Variants in RALGAPA2 observed in about 807,000 individuals in gnomAD.
RALGAPA2 encodes ral GTPase-activating protein subunit alpha-2.
In RALGAPA2, 139 loss-of-function variants were observed where a neutral mutation model predicts 230.4. The observed-to-expected ratio is 0.60, with a 90% confidence interval of 0.53 to 0.69. The LOEUF (loss-of-function observed/expected upper bound fraction) is 0.69, where lower values mean the gene tolerates loss of function less well. Ranked by LOEUF, RALGAPA2 falls within the 30% of genes least tolerant of loss-of-function variation. The probability of loss-of-function intolerance (pLI) is 0.00; values close to 1 mark genes in which losing one functional copy is unlikely to be tolerated. For missense variants in RALGAPA2, 2,163 were observed against 2,276.0 expected, an observed-to-expected ratio of 0.95 and a Z score of 1.01; for synonymous variants, 847 against 837.8, an observed-to-expected ratio of 1.01 and a Z score of -0.19.
intron 7 of RALGAPA2, 61 bp downstream of exon 7, chr20:20,639,724 A>AT (rs1269091386): frequency 4.3e-6 from 5 of 1,164,348 alleles, no homozygotes; most frequent in Non-Finnish European, 6.4e-6. Context: ...AAAAGAGGCA[A>AT]TATTTCCTCT....
chr20:20,433,893 A>G (rs1048203403), intron 37 of RALGAPA2, among the ~76,000 whole-genome samples: 4 of 152,260 alleles, frequency 2.6e-5, no homozygotes, highest in Admixed American at 6.5e-5. Context: ...AAAGTAGATC[A>G]AATAACAAAA....
intron 25 of RALGAPA2, 130 bp from the exon 26 acceptor site, chr20:20,535,933 T>C (rs1158805314): frequency 7.4e-7 from 1 of 1,358,728 alleles, no homozygotes; most frequent in African/African-American, 1.5e-5. Context: ...CATCTATGAG[T>C]GAGAGCCTGG....
intron 28 of RALGAPA2, among the ~76,000 whole-genome samples, chr20:20,525,946 G>T (rs921335221): frequency 1.3e-5 from 2 of 152,108 alleles, no homozygotes; most frequent in Non-Finnish European, 2.9e-5. Flanking sequence ...CCTACTCCTT[G>T]TTGGCACCAT....
intron 1 of RALGAPA2, among the ~76,000 whole-genome samples, chr20:20,690,773 C>A (rs2146911583): frequency 6.6e-6 from 1 of 152,236 alleles, no homozygotes; most frequent in East Asian, 1.9e-4. Flanking sequence ...CCTTGCTCCC[C>A]ACTGCAATCT....
intron 10 of RALGAPA2, among the ~76,000 whole-genome samples, chr20:20,624,630 T>C (rs1425709730): frequency 6.6e-6 from 1 of 152,144 alleles, no homozygotes; most frequent in Non-Finnish European, 1.5e-5. Context: ...AGAAAATACA[T>C]GGCTGCTAAT....
intron 23 of RALGAPA2, among the ~76,000 whole-genome samples, chr20:20,557,608 A>T (rs540925896): frequency 6.6e-6 from 1 of 152,354 alleles, no homozygotes; most frequent in South Asian, 2.1e-4. Flanking sequence ...GACACTGCCA[A>T]TGATGCCAAG....
intron 2 of RALGAPA2, among the ~76,000 whole-genome samples, chr20:20,678,243 AG>A: frequency 6.6e-6 from 1 of 152,178 alleles, no homozygotes; most frequent in Non-Finnish European, 1.5e-5. Context: ...TTCTTTTTTA[AG>A]GTACAGTGTC....
intron 21 of RALGAPA2, 96 bp downstream of exon 21, chr20:20,572,779 G>A (rs981088311): frequency 1.6e-4 from 169 of 1,034,656 alleles, no homozygotes; most frequent in African/African-American, 4.3e-4. Context: ...TTTGTGTTTC[G>A]GAATATGTTC....
intron 37 of RALGAPA2, among the ~76,000 whole-genome samples, chr20:20,458,765 T>C (rs1472012765): frequency 7.1e-6 from 1 of 140,682 alleles, no homozygotes; most frequent in African/African-American, 2.6e-5. Context: ...CACCTATATA[T>C]ATATAGACCT....
At chr20:20,700,735 T>C (rs943242248) in intron 1 of RALGAPA2, among the ~76,000 whole-genome samples, 1 of 152,236 alleles carries the variant, frequency 6.6e-6, no homozygotes, top group East Asian at 1.9e-4. Context: ...TCCTTTCTTA[T>C]ATCTATTCCC....
intron 38 of RALGAPA2, among the ~76,000 whole-genome samples, chr20:20,408,917 G>A (rs1425939717): frequency 6.6e-6 from 1 of 152,202 alleles, no homozygotes; most frequent in Non-Finnish European, 1.5e-5. Context: ...CATGTCAGGT[G>A]TTATCAATAC....
chr20:20,510,759 G>C (rs2062681366), intron 33 of RALGAPA2, among the ~76,000 whole-genome samples: 1 of 152,194 alleles, frequency 6.6e-6, no homozygotes, highest in African/African-American at 2.4e-5. Flanking sequence ...CAGCTTTGGA[G>C]AATGAGCCTT....
Position 20,591,177 on chromosome 20 carries a change from C to T in RALGAPA2, c.2341G>A (p.Gly781Ser). ...PEPLCSDSSQ[G>S]QKAENTQNSS... ...ATTAAACACTGAAGACATCATGTAC[C>T]CTGAGAAGAATCTGAGCACAGCGGC... is the stretch of plus-strand genomic sequence containing the variant. The change falls in exon 17 of 40, where the codon GGT (glycine) becomes AGT (serine). Residue 781 changes from glycine (G) to serine (S), a missense_variant and splice_region_variant. Gly to Ser is a moderately conservative substitution (Grantham distance 56, BLOSUM62 0). Transcript: ENST00000202677. The T allele has an allele frequency of 6.2e-7, 1 of 1,613,498 alleles. No individual in the cohort carries two copies. The highest frequency in any genetic ancestry group is 8.5e-7 in the Non-Finnish European group (1 of 1,179,670).
chr20:20,583,203 T>C lies in RALGAPA2; in HGVS notation c.2554A>G (p.Thr852Ala), dbSNP rs1568608890. Reference sequence around the variant, plus strand: ...TCTGCCTCATTGGTACAGCCCAGAGTTGTGTCACTGTTGGTACTTTCACCT... The same window carrying C: ...TCTGCCTCATTGGTACAGCCCAGAGCTGTGTCACTGTTGGTACTTTCACCT... ...QKSESTNSDT[T>A]LGCTNEAELS... The change falls in exon 20 of 40, where the codon ACT becomes GCT. Residue 852 changes from threonine (T) to alanine (A), a missense_variant. By Grantham distance (58) the Thr-to-Ala change is moderately conservative (BLOSUM62 0). Transcript: ENST00000202677. The C allele has an allele frequency of 6.2e-7, 1 of 1,609,962 alleles. No individual in the cohort carries two copies. Among genetic ancestry groups the C allele is most frequent in the African/African-American group, 1.3e-5 (1 of 74,784 alleles).
At chr20:20,498,592 T>G (rs1470715158) in intron 35 of RALGAPA2, among the ~76,000 whole-genome samples, 1 of 152,202 alleles carries the variant, frequency 6.6e-6, no homozygotes, top group African/African-American at 2.4e-5. Flanking sequence ...TGGGCCCGGC[T>G]GCTACTTTTA....
At chr20:20,606,939 C>G (rs2065838898) in intron 14 of RALGAPA2, among the ~76,000 whole-genome samples, 1 of 152,192 alleles carries the variant, frequency 6.6e-6, no homozygotes. Context: ...ATAGCCAAGT[C>G]CATCTCAAAT....
chr20:20,700,123 G>A (rs1192859203), intron 1 of RALGAPA2, among the ~76,000 whole-genome samples: 4 of 152,136 alleles, frequency 2.6e-5, no homozygotes, highest in Non-Finnish European at 5.9e-5. Flanking sequence ...ATACTACACA[G>A]CCATAAAAAA....
intron 23 of RALGAPA2, among the ~76,000 whole-genome samples, chr20:20,548,101 A>C (rs2063822965): frequency 6.6e-6 from 1 of 151,764 alleles, no homozygotes; most frequent in African/African-American, 2.4e-5. Context: ...TATAGTCTCA[A>C]TATAAGAGTA....
At chr20:20,578,847 C>T (rs1268925030) in intron 20 of RALGAPA2, among the ~76,000 whole-genome samples, 1 of 152,178 alleles carries the variant, frequency 6.6e-6, no homozygotes, top group East Asian at 1.9e-4. Context: ...ACCAGTGCAG[C>T]CTGGCTCTCC....
Sources: gnomAD v4.1 joint callset for allele counts (sites outside exome capture counted in the v4.1 genomes callset) on GRCh38, gnomAD v4.1.1 for gene constraint, MANE v1.5 for transcripts, NCBI Gene and HGNC (gene_info 2026-07-23, HGNC 2026-07-21) for gene names.